DRC7: variants seen among roughly 807,000 people sequenced by gnomAD.
The protein encoded by DRC7 is dynein regulatory complex subunit 7, also known as coiled-coil domain containing 135.
Under a neutral mutation model 104.4 loss-of-function variants are expected in DRC7, and 80 were observed. The ratio of observed to expected loss-of-function variants is 0.77; its 90% CI spans 0.64 to 0.92. The LOEUF (loss-of-function observed/expected upper bound fraction) is 0.92, where lower values mean the gene tolerates loss of function less well. DRC7 is among the 40% of genes least tolerant of loss of function. The pLI, the probability that DRC7 is intolerant of heterozygous loss-of-function variation, is 0.00. For missense variants in DRC7, 1,034 were observed against 1,141.1 expected, an observed-to-expected ratio of 0.91 and a Z score of 1.35; for synonymous variants, 405 against 447.3, an observed-to-expected ratio of 0.91 and a Z score of 1.19.
chr16:57,713,474 G>A (rs986908222), intron 8 of DRC7, among the ~76,000 whole-genome samples: 5 of 152,022 alleles, frequency 3.3e-5, no homozygotes, highest in Admixed American at 3.3e-4. Flanking sequence ...CCTCTCTATC[G>A]GTATGAAATA....
At chr16:57,704,785 G>A in intron 6 of DRC7, 91 bp from the exon 7 acceptor site, 1 of 1,475,016 alleles carries the variant, frequency 6.8e-7, no homozygotes, top group Non-Finnish European at 9.2e-7. Context: ...CCCGGTCTGA[G>A]GGACTGGCTG....
chr16:57,712,850 T>C (rs1038622651), intron 8 of DRC7, among the ~76,000 whole-genome samples: 1 of 152,152 alleles, frequency 6.6e-6, no homozygotes, highest in Non-Finnish European at 1.5e-5. Context: ...TTTTCTAACA[T>C]AAGCCTTCTT....
intron 17 of DRC7, among the ~76,000 whole-genome samples, chr16:57,729,840 G>A (rs1274932130): frequency 3.4e-5 from 5 of 147,170 alleles, no homozygotes; most frequent in Admixed American, 2.7e-4. Flanking sequence ...GTGGGTGGGT[G>A]GATGGACGAA....
intron 7 of DRC7, among the ~76,000 whole-genome samples, chr16:57,705,757 CCCATCCATCCTCCCAT>C (rs201017067): frequency 0.044 from 2,476 of 56,030 alleles, 116 homozygotes; most frequent in East Asian, 0.2. Flanking sequence ...GATCTCTCCT[CCCATCCATCCTCCCAT>C]CCATCCATCC....
At chr16:57,729,925 AGTGGGTGGGTGGATGG>A (rs1223145990) in intron 17 of DRC7, among the ~76,000 whole-genome samples, 3 of 21,850 alleles carry the variant, frequency 1.4e-4, no homozygotes, top group South Asian at 1.7e-3. Flanking sequence ...TGGATGGATG[AGTGGGTGGGTGGATGG>A]GTGGGTGGGT....
intron 3 of DRC7, among the ~76,000 whole-genome samples, chr16:57,698,580 C>T (rs769086097): frequency 6.6e-6 from 1 of 152,116 alleles, no homozygotes; most frequent in Admixed American, 6.6e-5. Flanking sequence ...GTCCCAGCTA[C>T]TTGGGAGGCT....
In DRC7 at chr16:57,731,436, AAC is replaced by A. The variant is rs2049061173; in HGVS notation, c.*183_*184del. 2 of 600,606 alleles carry A rather than the reference AAC, an allele frequency of 3.3e-6. No individual in the cohort carries two copies. The highest frequency in any genetic ancestry group is 2.8e-5 in the East Asian group (1 of 35,878). The allele number at this position is 600,606 out of a possible 1,614,324, so 37.2% of individuals were successfully genotyped here. On this transcript the variant is annotated 3_prime_UTR_variant, in exon 19 of 19. Transcript: ENST00000360716. ...GCTTCTCATGATTTTCCTGTAAATA[AAC>A]ACACTCTTAATTTGCCATTTGTGCC...
intron 17 of DRC7, among the ~76,000 whole-genome samples, chr16:57,729,931 T>G (rs1597816687): frequency 3.1e-5 from 2 of 64,900 alleles, no homozygotes; most frequent in Non-Finnish European, 2.9e-5. Flanking sequence ...GATGAGTGGG[T>G]GGGTGGATGG....
intron 8 of DRC7, among the ~76,000 whole-genome samples, chr16:57,716,315 C>T (rs1189740555): frequency 2.6e-5 from 4 of 151,996 alleles, no homozygotes; most frequent in African/African-American, 7.2e-5. Context: ...CCAGCCTGGC[C>T]AACATGGTGA....
rs369480838 is a variant in DRC7 at position 57,710,270 on chromosome 16, C to T, written c.1077+2592C>T. Among the ~76,000 whole-genome samples the T allele has an allele frequency of 5.3e-5, 8 of 152,134 alleles. No individual in the cohort carries two copies. The South Asian group carries it at 1.0e-3, about 20-fold the overall frequency. ...TTGTCAGATTTATTCCTAAATATTT[C>T]GCTTTTTGATGCTATGATTTTTTTA... On this transcript the variant is annotated intron_variant, in intron 8 of 18. Transcript: ENST00000360716.
intron 3 of DRC7, 144 bp downstream of exon 3, chr16:57,698,296 A>G (rs2048619195): frequency 7.6e-7 from 1 of 1,310,614 alleles, no homozygotes; most frequent in Non-Finnish European, 1.0e-6. Context: ...CTGCTTTCAA[A>G]TGGCCTGGGC....
intron 8 of DRC7, among the ~76,000 whole-genome samples, chr16:57,710,568 T>C (rs1278021396): frequency 6.6e-6 from 1 of 152,234 alleles, no homozygotes. Context: ...TGTTTATTCC[T>C]GATCTTACGG....
In DRC7 at chr16:57,697,069, C is replaced by T. The variant is rs1468523708; in HGVS notation, c.-38+475C>T. On this transcript the variant is annotated intron_variant, in intron 2 of 18. Transcript: ENST00000360716. ...CTGGGATTACAGGCGTGTGCCACCACGCCTGGCTAATTTTTGTATTTTTAG... is the reference window on the plus strand; with the variant it reads ...CTGGGATTACAGGCGTGTGCCACCATGCCTGGCTAATTTTTGTATTTTTAG... 7.9e-5 allele frequency among the ~76,000 whole-genome samples: 12 copies of T among 152,154 alleles called. No individual in the cohort carries two copies. The South Asian group carries it at 2.1e-3, about 26-fold the overall frequency.
At chr16:57,707,781 G>C in intron 8 of DRC7, 103 bp downstream of exon 8, 1 of 1,010,944 alleles carries the variant, frequency 9.9e-7, no homozygotes. Flanking sequence ...CGAGACACCA[G>C]GCCACGAGGG....
rs751162679 is a variant in DRC7 at position 57,727,320 on chromosome 16, C to T, written c.2107C>T (p.Arg703Ter). ...TCAGGTGCTGGAGATTCTGAAGCTT[C>T]GAGAGGAAGAGGAGGCGGCGCACAC... ...ELEVLEILKL[R>*]EEEEAAHTLT... The change falls in exon 16 of 19, where the codon CGA (arginine) becomes TGA (stop). Residue 703 changes from arginine to a stop codon, truncating the protein, a stop_gained. Transcript: ENST00000360716. LOFTEE classifies it high-confidence loss of function. 1.2e-5 allele frequency: 19 copies of T among 1,613,070 alleles called. No homozygotes were observed. In the East Asian group the frequency reaches 1.3e-4, roughly 11 times the overall value.
In DRC7 at chr16:57,726,894, G is replaced by C. The variant is rs1254284869; in HGVS notation, c.2037G>C (p.Lys679Asn). The change falls in exon 15 of 19, where the codon AAG becomes AAC. Residue 679 changes from lysine to asparagine, a missense_variant. Physicochemically the swap from Lys to Asn is moderately conservative, Grantham distance 94. Coordinates refer to ENST00000360716, the MANE Select transcript of DRC7 (RefSeq NM_001289162.2). ...AGTACGAGGCCATGATGCACCTGAA[G>C]AGGGAGGAGAAGCTGTCCAGACATC... ...LYQYEAMMHLKREEKLSRHQV... is the reference protein window; with the variant it reads ...LYQYEAMMHLNREEKLSRHQV... 2 of 1,613,256 alleles carry C rather than the reference G, an allele frequency of 1.2e-6. No homozygotes were observed. Among genetic ancestry groups the C allele is most frequent in the African/African-American group, 2.7e-5 (2 of 74,906 alleles).
rs761050432 is a variant in DRC7 at position 57,731,250 on chromosome 16, T to A, written c.2617T>A (p.Phe873Ile). Residue 873 changes from phenylalanine to isoleucine, a missense_variant, in exon 19 of 19, where the codon TTC becomes ATC. Coordinates refer to ENST00000360716, the MANE Select transcript of DRC7 (RefSeq NM_001289162.2). Reference protein sequence around the residue: ...DPRLGELQKIFA With the variant: ...DPRLGELQKIIA ...ACGCCTGGGGGAGCTCCAGAAAATA[T>A]TCGCTTGATGTCCCTCCTGGGGCCT... 6.2e-7 allele frequency: 1 copy of A among 1,612,998 alleles called. No individual in the cohort carries two copies. Among genetic ancestry groups the A allele is most frequent in the Non-Finnish European group, 8.5e-7 (1 of 1,179,620 alleles).
intron 5 of DRC7, 106 bp downstream of exon 5, chr16:57,700,376 T>A: frequency 7.1e-7 from 1 of 1,399,318 alleles, no homozygotes; most frequent in Non-Finnish European, 9.7e-7. Context: ...AGGCCGGGCG[T>A]GGTAGCTCAT....
At chr16:57,705,988 CCCAT>C (rs1567875431) in intron 7 of DRC7, among the ~76,000 whole-genome samples, 2 of 132,984 alleles carry the variant, frequency 1.5e-5, no homozygotes, top group African/African-American at 5.6e-5. Flanking sequence ...CCACCATCCT[CCCAT>C]CCATCCATCC....
Sources: allele counts gnomAD v4.1 joint callset (sites outside exome capture counted in the v4.1 genomes callset), GRCh38; gene constraint gnomAD v4.1.1; transcripts MANE v1.5; gene names NCBI Gene and HGNC (gene_info 2026-07-23, HGNC 2026-07-21).